The following APOLD1 variants were observed in gnomAD, a reference collection of about 807,000 sequenced individuals.
APOLD1 encodes apolipoprotein L domain containing 1, also known as apolipoprotein L domain-containing protein 1.
APOLD1 carries 22 observed loss-of-function variants against 15.3 expected under a neutral mutation model. That is an observed-to-expected ratio of 1.44 (90% CI 1.03 to 2.05). The LOEUF is 2.05. Among genes scored for constraint, APOLD1 ranks in the 30% most tolerant of loss-of-function variants. The pLI is 0.00. For synonymous variants in APOLD1, 190 were observed against 167.4 expected (o/e 1.13, Z -1.04); for missense variants, 394 against 353.5 (o/e 1.11, Z -0.92).
At chr12:12,750,394 A>AAG (rs71064320) in intron 1 of APOLD1, among the ~76,000 whole-genome samples, 1 of 147,984 alleles carries the variant, frequency 6.8e-6, no homozygotes, top group Admixed American at 6.8e-5. Context: ...AAAAAAAAAA[A>AAG]GGAAATTGGG....
upstream of APOLD1, among the ~76,000 whole-genome samples, chr12:12,782,142 C>T (rs909340040): frequency 2.0e-5 from 3 of 152,002 alleles, no homozygotes; most frequent in East Asian, 1.9e-4. Context: ...GCCTGTAATC[C>T]CAGCTACTTG....
intron 1 of APOLD1, among the ~76,000 whole-genome samples, chr12:12,743,503 G>A (rs1946742913): frequency 1.3e-5 from 2 of 152,156 alleles, no homozygotes; most frequent in African/African-American, 2.4e-5. Context: ...GTGGTCAGAG[G>A]AATAGGTGAC....
At chr12:12,750,772 C>T (rs190364625) in intron 1 of APOLD1, among the ~76,000 whole-genome samples, 1 of 151,716 alleles carries the variant, frequency 6.6e-6, no homozygotes, top group East Asian at 1.9e-4. Context: ...TGTCACTGAA[C>T]CTTTTTTTTT....
At chr12:12,733,322 CA>C (rs892018413) in intron 1 of APOLD1, among the ~76,000 whole-genome samples, 165 of 139,114 alleles carry the variant, frequency 1.2e-3, no homozygotes, top group East Asian at 0.011. Context: ...AAGACTGTCT[CA>C]AAAAAAAAAA....
At chr12:12,739,710 G>A (rs879391602) in intron 1 of APOLD1, among the ~76,000 whole-genome samples, 3 of 151,814 alleles carry the variant, frequency 2.0e-5, no homozygotes, top group Non-Finnish European at 4.4e-5. Context: ...AATTACATGG[G>A]TCTTAAAAAT....
Position 12,737,884 on chromosome 12 carries a change from G to A in APOLD1, c.96+11788G>A, listed in dbSNP as rs1444651419. On this transcript the variant is annotated intron_variant, in intron 1 of 1. Transcript: ENST00000326765. ...AATATGGAGGGTCGTTATCTAGGGG[G>A]AGGAAGGGGACTGAATGTTCTCTTG... Among the ~76,000 whole-genome samples the A allele has an allele frequency of 2.0e-5, 3 of 152,298 alleles. No homozygotes were observed. The East Asian group carries it at 5.8e-4, about 29-fold the overall frequency.
At chr12:12,750,038 A>C (rs1173651681) in intron 1 of APOLD1, among the ~76,000 whole-genome samples, 1 of 152,110 alleles carries the variant, frequency 6.6e-6, no homozygotes, top group Admixed American at 6.6e-5. Flanking sequence ...CTGTACCCCC[A>C]CACTGAAATC....
intron 1 of APOLD1, among the ~76,000 whole-genome samples, chr12:12,751,346 G>C (rs977228850): frequency 5.9e-5 from 9 of 152,036 alleles, no homozygotes; most frequent in African/African-American, 2.2e-4. Context: ...AATATTAGTG[G>C]GAAATGATTC....
chr12:12,787,084 G>A lies in APOLD1; in HGVS notation c.179G>A (p.Ser60Asn). 7.2e-7 allele frequency: 1 copy of A among 1,397,598 alleles called. No homozygotes were observed. 86.6% of individuals were successfully genotyped at this position (1,397,598 alleles called of 1,614,324 possible). The change falls in exon 2 of 2, where the codon AGC becomes AAC. Residue 60 changes from serine (S) to asparagine (N), a missense_variant. Coordinates refer to ENST00000356591, the MANE Select transcript of APOLD1 (RefSeq NM_030817.3). This position sits in a 1 kb window ranked among gnomAD's most constrained non-coding sequence, Gnocchi z 4.9. ...RRSLVANVAG[S>N]SLSATGALAA... is the part of the protein sequence containing the mutation. ...TCCCTCGTAGCCAACGTGGCCGGCAGCTCGCTGAGCGCAACGGGCGCCCTC... is the reference window on the plus strand; with the variant it reads ...TCCCTCGTAGCCAACGTGGCCGGCAACTCGCTGAGCGCAACGGGCGCCCTC...
upstream of APOLD1, among the ~76,000 whole-genome samples, chr12:12,781,500 G>C (rs1444263502): frequency 6.6e-6 from 1 of 152,036 alleles, no homozygotes; most frequent in Non-Finnish European, 1.5e-5. Flanking sequence ...TCCTCTGAAA[G>C]GCCTTGAGCG....
At chr12:12,781,479 A>G (rs1947079586), upstream of APOLD1, among the ~76,000 whole-genome samples, 1 of 151,102 alleles carries the variant, frequency 6.6e-6, no homozygotes, top group East Asian at 1.9e-4. Context: ...CAAAAAATGG[A>G]GGTGGCCCAG....
At chr12:12,775,268 G>A (rs1438142355) in intron 1 of APOLD1, among the ~76,000 whole-genome samples, 1 of 152,238 alleles carries the variant, frequency 6.6e-6, no homozygotes, top group Non-Finnish European at 1.5e-5. Context: ...AGTGATCAAA[G>A]ATCAGTGGTT....
chr12:12,748,752 C>G (rs539226383), intron 1 of APOLD1, among the ~76,000 whole-genome samples: 69 of 152,210 alleles, frequency 4.5e-4, no homozygotes, highest in African/African-American at 1.4e-3. Context: ...AGCCCTCTTA[C>G]TAGGCAGAAG....
upstream of APOLD1, among the ~76,000 whole-genome samples, chr12:12,782,615 C>T (rs1187096266): frequency 6.6e-6 from 1 of 152,056 alleles, no homozygotes; most frequent in Non-Finnish European, 1.5e-5. Flanking sequence ...TGCGGTGAGG[C>T]GTGATGGTGC....
chr12:12,781,684 T>C (rs1022863914), upstream of APOLD1, among the ~76,000 whole-genome samples: 1 of 151,226 alleles, frequency 6.6e-6, no homozygotes, highest in African/African-American at 2.4e-5. Context: ...CCTGCCACCA[T>C]GCCCGGCTAA....
intron 1 of APOLD1, among the ~76,000 whole-genome samples, chr12:12,768,728 A>G (rs1946960651): frequency 6.6e-6 from 1 of 151,284 alleles, no homozygotes; most frequent in African/African-American, 2.4e-5. Flanking sequence ...CAAACCACAG[A>G]CTTAGGACTC....
intron 1 of APOLD1, among the ~76,000 whole-genome samples, chr12:12,749,309 A>G (rs1565429495): frequency 6.6e-6 from 1 of 152,218 alleles, no homozygotes; most frequent in East Asian, 1.9e-4. Context: ...ATATTGAGGC[A>G]GGAGAATAGG....
intron 1 of APOLD1, among the ~76,000 whole-genome samples, chr12:12,740,592 C>T (rs1946723341): frequency 6.6e-6 from 1 of 152,160 alleles, no homozygotes; most frequent in African/African-American, 2.4e-5. Context: ...TCTCTGTTTC[C>T]CTAAAAATGG....
intron 1 of APOLD1, among the ~76,000 whole-genome samples, chr12:12,748,650 T>A (rs201643864): frequency 8.7e-5 from 1 of 11,526 alleles, no homozygotes; most frequent in Non-Finnish European, 1.9e-4. Context: ...TAATTATGGG[T>A]TTTTTTTTTT....
Sources: allele counts gnomAD v4.1 joint callset (sites outside exome capture counted in the v4.1 genomes callset), GRCh38; gene constraint gnomAD v4.1.1; non-coding constraint Gnocchi (gnomAD v3.1); transcripts MANE v1.5; gene names NCBI Gene and HGNC (gene_info 2026-07-23, HGNC 2026-07-21).